Variants in LDLRAD3 observed in about 807,000 individuals in gnomAD.
The protein encoded by LDLRAD3 is low density lipoprotein receptor class A domain containing 3, also known as low-density lipoprotein receptor class A domain-containing protein 3.
A neutral mutation model predicts 29.4 loss-of-function variants in LDLRAD3; 20 were observed. That is an observed-to-expected ratio of 0.68 (90% CI 0.48 to 0.99). The LOEUF (loss-of-function observed/expected upper bound fraction) is 0.99. Among genes scored for constraint, LDLRAD3 ranks in the 50% least tolerant of loss-of-function variants. The pLI, the probability that LDLRAD3 is intolerant of heterozygous loss-of-function variation, is 0.00. For missense variants in LDLRAD3, 420 were observed against 454.3 expected (o/e 0.92, Z 0.69); for synonymous variants, 157 against 192.7 (o/e 0.81, Z 1.53).
At position 35,992,613 on chromosome 11, in the gene LDLRAD3, T is replaced by C. The variant is rs572441600; in HGVS notation, c.47-43490T>C. Among the ~76,000 whole-genome samples the C allele has an allele frequency of 3.9e-5, 6 of 152,326 alleles. No homozygotes were observed. In the East Asian group the frequency reaches 1.2e-3, roughly 29 times the overall value. On this transcript the variant is annotated intron_variant, in intron 1 of 5. Transcript: ENST00000315571. ...CAGTTACAAAAGACCACATATTGTA[T>C]CATTCAATTTATAGGAAATGTCCAG... is the stretch of plus-strand genomic sequence containing the variant.
At chr11:36,096,692 G>A (rs1853366732) in intron 3 of LDLRAD3, among the ~76,000 whole-genome samples, 1 of 152,260 alleles carries the variant, frequency 6.6e-6, no homozygotes, top group Admixed American at 6.5e-5. Context: ...CCTGTGGCTG[G>A]CGTAGCCATA....
chr11:36,140,966 G>A (rs1854072792), intron 4 of LDLRAD3, among the ~76,000 whole-genome samples: 2 of 137,320 alleles, frequency 1.5e-5, no homozygotes, highest in South Asian at 4.7e-4. Context: ...ATCCTAGCTG[G>A]TTTTAATTCT....
At chr11:36,086,410 G>A (rs1196170412) in intron 3 of LDLRAD3, among the ~76,000 whole-genome samples, 1 of 152,154 alleles carries the variant, frequency 6.6e-6, no homozygotes, top group African/African-American at 2.4e-5. Context: ...TGTTTTTGTA[G>A]GTAAATGACC....
intron 4 of LDLRAD3, among the ~76,000 whole-genome samples, chr11:36,168,741 C>T (rs376422843): frequency 6.6e-6 from 1 of 151,982 alleles, no homozygotes; most frequent in Admixed American, 6.6e-5. Flanking sequence ...CAGGGAGTAT[C>T]GACCAAAATC....
chr11:36,227,469 A>C, intron 5 of LDLRAD3, 39 bp downstream of exon 5: 1 of 1,441,832 alleles, frequency 6.9e-7, no homozygotes, highest in Non-Finnish European at 9.3e-7. Context: ...GGGAGAGGTC[A>C]TCCATTGCGG....
chr11:36,099,572 A>G (rs923825636), intron 4 of LDLRAD3, among the ~76,000 whole-genome samples: 4 of 152,224 alleles, frequency 2.6e-5, no homozygotes, highest in Admixed American at 1.3e-4. Flanking sequence ...AAAGAAAAGT[A>G]AGAGAATGAT....
At chr11:36,167,427 A>C (rs1478744029) in intron 4 of LDLRAD3, among the ~76,000 whole-genome samples, 1 of 152,226 alleles carries the variant, frequency 6.6e-6, no homozygotes, top group Non-Finnish European at 1.5e-5. Flanking sequence ...CGATGAGGTC[A>C]TACTGGATTA....
intron 2 of LDLRAD3, among the ~76,000 whole-genome samples, chr11:36,076,449 C>A (rs1270972430): frequency 6.6e-6 from 1 of 151,836 alleles, no homozygotes; most frequent in Non-Finnish European, 1.5e-5. Flanking sequence ...TGCAGTGGCA[C>A]AATCTCAGCT....
chr11:36,121,326 G>T (rs1181554678), intron 4 of LDLRAD3, among the ~76,000 whole-genome samples: 1 of 152,096 alleles, frequency 6.6e-6, no homozygotes, highest in Non-Finnish European at 1.5e-5. Flanking sequence ...TGTTTCACAT[G>T]GTAGGAAAAG....
At chr11:36,035,990 G>C in intron 1 of LDLRAD3, 113 bp from the exon 2 acceptor site, 1 of 1,013,542 alleles carries the variant, frequency 9.9e-7, no homozygotes, top group South Asian at 1.7e-5. Flanking sequence ...GGTCAGAGAG[G>C]TTGAGTCATC....
At chr11:36,167,694 G>A (rs1355871013) in intron 4 of LDLRAD3, among the ~76,000 whole-genome samples, 2 of 152,186 alleles carry the variant, frequency 1.3e-5, no homozygotes, top group South Asian at 4.1e-4. Flanking sequence ...GAGGGAGCAC[G>A]CCCTGCTGAC....
At chr11:36,076,755 G>T (rs1853017284) in intron 2 of LDLRAD3, among the ~76,000 whole-genome samples, 1 of 152,068 alleles carries the variant, frequency 6.6e-6, no homozygotes, top group East Asian at 1.9e-4. Flanking sequence ...TTACATATTT[G>T]TTCACCCCTA....
At chr11:36,025,389 ATT>A (rs35778261) in intron 1 of LDLRAD3, among the ~76,000 whole-genome samples, 12 of 137,988 alleles carry the variant, frequency 8.7e-5, no homozygotes, top group Admixed American at 1.5e-4. Context: ...CTGGCTTCAG[ATT>A]TTTTTTTTTT....
chr11:35,986,319 A>G (rs930082918), intron 1 of LDLRAD3, among the ~76,000 whole-genome samples: 2 of 152,210 alleles, frequency 1.3e-5, no homozygotes. Context: ...GATATAGAAG[A>G]AAAGAAATGT....
At chr11:36,170,313 C>CGTATATAT (rs55659003) in intron 4 of LDLRAD3, among the ~76,000 whole-genome samples, 131,820 of 145,466 alleles carry the variant, frequency 0.91, 59,952 homozygotes, top group Middle Eastern at 0.96. Flanking sequence ...TACATATATA[C>CGTATATAT]GTATATATGT....
chr11:36,123,188 A>AAATAATAATAATAAT (rs535143112), intron 4 of LDLRAD3, among the ~76,000 whole-genome samples: 71 of 151,650 alleles, frequency 4.7e-4, no homozygotes, highest in African/African-American at 1.7e-3. Flanking sequence ...CTCCGTCTCA[A>AAATAATAATAATAAT]AATAATAATA....
At chr11:36,042,912 G>T (rs1449866907) in intron 2 of LDLRAD3, among the ~76,000 whole-genome samples, 2 of 152,172 alleles carry the variant, frequency 1.3e-5, no homozygotes, top group Non-Finnish European at 2.9e-5. Flanking sequence ...TCAGAACTGT[G>T]AGACAGTGAA....
intron 1 of LDLRAD3, among the ~76,000 whole-genome samples, chr11:35,996,617 T>A (rs750343443): frequency 6.6e-5 from 10 of 152,138 alleles, no homozygotes; most frequent in Non-Finnish European, 1.5e-4. Flanking sequence ...TGAAGCTCAA[T>A]AAAGTGAAGC....
At chr11:36,188,371 C>CAAAAAAAAA in intron 4 of LDLRAD3, among the ~76,000 whole-genome samples, 1 of 62,042 alleles carries the variant, frequency 1.6e-5, no homozygotes, top group East Asian at 5.5e-4. Flanking sequence ...GGAAAACCAG[C>CAAAAAAAAA]AAAAAAAAAA....
Sources: allele counts gnomAD v4.1 joint callset (sites outside exome capture counted in the v4.1 genomes callset), GRCh38; gene constraint gnomAD v4.1.1; transcripts MANE v1.5; gene names NCBI Gene and HGNC (gene_info 2026-07-23, HGNC 2026-07-21).